GPC5: variants seen among roughly 807,000 people sequenced by gnomAD.
The protein encoded by GPC5 is glypican 5, also known as glypican-5.
Under a neutral mutation model 53.9 loss-of-function variants are expected in GPC5, and 47 were observed. The ratio of observed to expected loss-of-function variants is 0.87; its 90% CI spans 0.69 to 1.11. The LOEUF (loss-of-function observed/expected upper bound fraction) is 1.11, where lower values mean the gene tolerates loss of function less well. Among genes scored for constraint, GPC5 ranks in the 50% most tolerant of loss-of-function variants. GPC5 has a pLI of 0.00. For missense variants in GPC5, 748 were observed against 713.1 expected (o/e 1.05, Z -0.56); for synonymous variants, 286 against 263.3 (o/e 1.09, Z -0.84).
intron 2 of GPC5, among the ~76,000 whole-genome samples, chr13:91,655,734 A>G (rs1345563151): frequency 1.3e-5 from 2 of 152,130 alleles, no homozygotes; most frequent in Admixed American, 6.6e-5. Context: ...ACAGTGCCCT[A>G]TGTTTGACTT....
chr13:92,411,371 T>C (rs1031498414), intron 7 of GPC5, among the ~76,000 whole-genome samples: 2 of 152,256 alleles, frequency 1.3e-5, no homozygotes, highest in Non-Finnish European at 2.9e-5. Flanking sequence ...AAAACATCCA[T>C]TCAAAAACAT....
intron 7 of GPC5, among the ~76,000 whole-genome samples, chr13:92,431,390 CTTTTT>C (rs3064652): frequency 7.3e-6 from 1 of 137,344 alleles, no homozygotes; most frequent in Non-Finnish European, 1.5e-5. Context: ...AAAGACACAG[CTTTTT>C]TTTTTTTTTT....
At chr13:92,691,568 A>G (rs949992235) in intron 7 of GPC5, among the ~76,000 whole-genome samples, 4 of 152,048 alleles carry the variant, frequency 2.6e-5, no homozygotes, top group Admixed American at 6.5e-5. Flanking sequence ...AGCTGTTCCT[A>G]TTCGGCCATC....
chr13:91,827,632 T>C (rs1003510223), intron 5 of GPC5, among the ~76,000 whole-genome samples: 13 of 152,030 alleles, frequency 8.6e-5, no homozygotes, highest in Non-Finnish European at 1.3e-4. Flanking sequence ...ATCATAGAAA[T>C]GTAAATCAAG....
At chr13:91,613,570 G>A (rs867574049) in intron 2 of GPC5, among the ~76,000 whole-genome samples, 8 of 152,202 alleles carry the variant, frequency 5.3e-5, no homozygotes, top group South Asian at 2.1e-4. Context: ...AGGAATGTGC[G>A]TTATTCGCAA....
chr13:92,065,783 T>C (rs2138858710), intron 6 of GPC5, among the ~76,000 whole-genome samples: 1 of 152,272 alleles, frequency 6.6e-6, no homozygotes, highest in South Asian at 2.1e-4. Flanking sequence ...CAGTTTTGTT[T>C]GTGATATTTA....
At chr13:92,443,428 A>G (rs1420893830) in intron 7 of GPC5, among the ~76,000 whole-genome samples, 1 of 152,206 alleles carries the variant, frequency 6.6e-6, no homozygotes, top group Non-Finnish European at 1.5e-5. Context: ...TTAGGATAAA[A>G]TGGATATAGA....
chr13:92,094,954 G>T (rs1275381790), intron 6 of GPC5, among the ~76,000 whole-genome samples: 3 of 151,430 alleles, frequency 2.0e-5, no homozygotes, highest in Admixed American at 2.0e-4. Flanking sequence ...ATTCCCATTT[G>T]TAAATGTAGT....
At chr13:92,598,059 T>G (rs1883934535) in intron 7 of GPC5, among the ~76,000 whole-genome samples, 1 of 152,168 alleles carries the variant, frequency 6.6e-6, no homozygotes, top group African/African-American at 2.4e-5. Context: ...GGTCATTCCA[T>G]CTAAATTTAG....
chr13:91,982,441 T>A (rs1400076328), intron 6 of GPC5, among the ~76,000 whole-genome samples: 1 of 151,200 alleles, frequency 6.6e-6, no homozygotes, highest in African/African-American at 2.4e-5. Context: ...TGTAGATGTA[T>A]GTATAATGAA....
At chr13:91,488,940 G>C (rs926658659) in intron 2 of GPC5, among the ~76,000 whole-genome samples, 3 of 152,202 alleles carry the variant, frequency 2.0e-5, no homozygotes, top group Non-Finnish European at 4.4e-5. Context: ...GCCGCTTTGG[G>C]GGCGGCTGTC....
At chr13:92,563,099 T>A (rs921030669) in intron 7 of GPC5, among the ~76,000 whole-genome samples, 12 of 152,130 alleles carry the variant, frequency 7.9e-5, no homozygotes, top group Non-Finnish European at 1.6e-4. Flanking sequence ...ATAGCAGTCT[T>A]AAATTCCTAA....
At chr13:92,324,482 G>C (rs912005233) in intron 7 of GPC5, among the ~76,000 whole-genome samples, 3 of 151,924 alleles carry the variant, frequency 2.0e-5, no homozygotes, top group African/African-American at 7.2e-5. Flanking sequence ...CAACATCAGA[G>C]AAAAATCCCC....
At chr13:92,534,019 G>T (rs1373873938) in intron 7 of GPC5, among the ~76,000 whole-genome samples, 2 of 152,132 alleles carry the variant, frequency 1.3e-5, no homozygotes, top group Non-Finnish European at 2.9e-5. Context: ...TGATGAGGTG[G>T]CTCATGCCTA....
chr13:92,310,324 A>T (rs1242074526), intron 7 of GPC5, among the ~76,000 whole-genome samples: 1 of 152,100 alleles, frequency 6.6e-6, no homozygotes, highest in East Asian at 1.9e-4. Flanking sequence ...CTCCTGTTAT[A>T]TTCTAATAGA....
chr13:92,697,539 G>T (rs1372499771), intron 7 of GPC5, among the ~76,000 whole-genome samples: 2 of 152,150 alleles, frequency 1.3e-5, no homozygotes, highest in Non-Finnish European at 2.9e-5. Context: ...TTTGCACATT[G>T]ATTGTCTATC....
intron 7 of GPC5, among the ~76,000 whole-genome samples, chr13:92,168,457 T>C (rs534928079): frequency 5.9e-5 from 9 of 152,174 alleles, no homozygotes; most frequent in Admixed American, 2.6e-4. Context: ...AGTTCGAATG[T>C]CCAAAATCTA....
At chr13:91,574,384 A>G (rs1566519810) in intron 2 of GPC5, among the ~76,000 whole-genome samples, 1 of 152,164 alleles carries the variant, frequency 6.6e-6, no homozygotes. Flanking sequence ...GAAGAGAGTC[A>G]GGTGCTTCAA....
At chr13:92,311,426 G>T (rs2139210379) in intron 7 of GPC5, among the ~76,000 whole-genome samples, 1 of 152,178 alleles carries the variant, frequency 6.6e-6, no homozygotes, top group African/African-American at 2.4e-5. Flanking sequence ...TTTATAAAAG[G>T]GAAACCATAG....
Sources: allele counts gnomAD v4.1 joint callset (sites outside exome capture counted in the v4.1 genomes callset), GRCh38; gene constraint gnomAD v4.1.1; transcripts MANE v1.5; gene names NCBI Gene and HGNC (gene_info 2026-07-23, HGNC 2026-07-21).